The following STK33 variants were observed in gnomAD, a reference collection of about 807,000 sequenced individuals.
STK33 encodes serine/threonine kinase 33.
In STK33, 52 loss-of-function variants were observed where a neutral mutation model predicts 58.0. That is an observed-to-expected ratio of 0.90 (90% CI 0.72 to 1.13). STK33 has a LOEUF of 1.13. Ranked by LOEUF, STK33 falls within the 50% of genes most tolerant of loss-of-function variation. The pLI is 0.00. For synonymous variants in STK33, 215 were observed against 200.1 expected, an observed-to-expected ratio of 1.07 and a Z score of -0.63; for missense variants, 630 against 604.2, an observed-to-expected ratio of 1.04 and a Z score of -0.45.
intron 15 of STK33, among the ~76,000 whole-genome samples, chr11:8,395,961 C>T (rs533057781): frequency 6.6e-6 from 1 of 152,268 alleles, no homozygotes; most frequent in South Asian, 2.1e-4. Flanking sequence ...GGTTTTAATA[C>T]ATGTTAAAAC....
chr11:8,403,531 G>C (rs954470991), intron 15 of STK33, among the ~76,000 whole-genome samples: 1 of 152,152 alleles, frequency 6.6e-6, no homozygotes, highest in African/African-American at 2.4e-5. Flanking sequence ...GCTGCATTCA[G>C]GACGGTTACA....
At chr11:8,486,159 T>C (rs953389062) in intron 1 of STK33, among the ~76,000 whole-genome samples, 2 of 152,286 alleles carry the variant, frequency 1.3e-5, no homozygotes, top group African/African-American at 4.8e-5. Flanking sequence ...CTAGCCAGAA[T>C]ACTCTTTCTA....
intron 15 of STK33, among the ~76,000 whole-genome samples, chr11:8,398,802 G>GA (rs1849844056): frequency 6.9e-6 from 1 of 144,906 alleles, no homozygotes; most frequent in Admixed American, 6.9e-5. Flanking sequence ...AAAAAAAAAA[G>GA]CAGGGGTTGC....
intron 1 of STK33, among the ~76,000 whole-genome samples, chr11:8,503,651 C>G (rs1317868565): frequency 5.9e-5 from 9 of 152,178 alleles, no homozygotes; most frequent in Non-Finnish European, 1.2e-4. Context: ...ACTATTAATC[C>G]TAAATGCTTT....
chr11:8,496,356 T>C (rs1951056095), intron 1 of STK33, among the ~76,000 whole-genome samples: 1 of 152,354 alleles, frequency 6.6e-6, no homozygotes, highest in East Asian at 1.9e-4. Flanking sequence ...TTGTAAATTA[T>C]TTGAAAACAA....
At position 8,575,046 on chromosome 11, in the gene STK33, A is replaced by C. The variant is rs1457861153; in HGVS notation, c.-466+19037T>G. Among the ~76,000 whole-genome samples, 4 of 152,198 alleles carry C rather than the reference A, an allele frequency of 2.6e-5. 1 individual carries two copies. The highest frequency in any genetic ancestry group is 1.3e-4 in the Admixed American group (2 of 15,282). On this transcript the variant is annotated intron_variant, in intron 1 of 15. Transcript: ENST00000687296. ...GCAAGGGAGCAAGACCCTGTCTCAAAAAAAGGGGGAAGGGAAAGGATAATG... is the reference window on the plus strand; with the variant it reads ...GCAAGGGAGCAAGACCCTGTCTCAACAAAAGGGGGAAGGGAAAGGATAATG...
chr11:8,352,735 T>C, the STK33 span, among the ~76,000 whole-genome samples: 2 of 152,168 alleles, frequency 1.3e-5, no homozygotes, highest in Non-Finnish European at 2.9e-5. Context: ...GTGGCTGCAA[T>C]TAATATAAAA....
At chr11:8,507,062 T>C (rs145576347) in intron 1 of STK33, among the ~76,000 whole-genome samples, 36 of 152,276 alleles carry the variant, frequency 2.4e-4, no homozygotes, top group African/African-American at 8.7e-4. Flanking sequence ...CCACACAGCA[T>C]CAAAATATTA....
chr11:8,381,630 T>C, the STK33 span, among the ~76,000 whole-genome samples: 1 of 152,108 alleles, frequency 6.6e-6, no homozygotes, highest in South Asian at 2.1e-4. Context: ...TGGCTTCTGG[T>C]CTAGTGAGCA....
chr11:8,409,611 G>A (rs1188881909), intron 15 of STK33, among the ~76,000 whole-genome samples: 1 of 152,090 alleles, frequency 6.6e-6, no homozygotes, highest in Non-Finnish European at 1.5e-5. Flanking sequence ...CAAACTCAGA[G>A]GGCAAACAAG....
intron 1 of STK33, among the ~76,000 whole-genome samples, chr11:8,526,050 A>G (rs1953991129): frequency 6.6e-6 from 1 of 152,160 alleles, no homozygotes; most frequent in African/African-American, 2.4e-5. Context: ...GGCTAGCAAA[A>G]GCAAATGTTG....
chr11:8,377,832 A>G, the STK33 span, among the ~76,000 whole-genome samples: 3 of 152,252 alleles, frequency 2.0e-5, no homozygotes, highest in African/African-American at 7.2e-5. Context: ...TGAGAATCAA[A>G]TCAAGAACTT....
intron 1 of STK33, among the ~76,000 whole-genome samples, chr11:8,487,623 G>A (rs796265093): frequency 8.5e-5 from 13 of 152,148 alleles, no homozygotes; most frequent in African/African-American, 2.2e-4. Context: ...GAATGGAAAC[G>A]GTGTCCATAA....
At chr11:8,570,709 G>A (rs147070208) in intron 1 of STK33, among the ~76,000 whole-genome samples, 144 of 152,312 alleles carry the variant, frequency 9.5e-4, no homozygotes, top group African/African-American at 3.3e-3. Context: ...GAGGAGGGCC[G>A]AGAGAGGCAG....
At chr11:8,448,430 T>C (rs1014779667) in intron 11 of STK33, among the ~76,000 whole-genome samples, 2 of 152,008 alleles carry the variant, frequency 1.3e-5, no homozygotes, top group Non-Finnish European at 2.9e-5. Context: ...GGTCCCAAAA[T>C]AGAGATATAG....
At chr11:8,393,898 A>C (rs1445868097) in intron 15 of STK33, among the ~76,000 whole-genome samples, 3 of 152,192 alleles carry the variant, frequency 2.0e-5, no homozygotes, top group Admixed American at 6.5e-5. Context: ...TATTTCAAGA[A>C]AGAAAATCCA....
At chr11:8,437,749 G>T (rs886259879) in intron 12 of STK33, among the ~76,000 whole-genome samples, 2 of 152,004 alleles carry the variant, frequency 1.3e-5, no homozygotes, top group South Asian at 4.2e-4. Flanking sequence ...GACTTTTGTG[G>T]GGGGAAAAGT....
At chr11:8,423,694 G>A (rs1212089489) in intron 14 of STK33, among the ~76,000 whole-genome samples, 2 of 151,976 alleles carry the variant, frequency 1.3e-5, no homozygotes, top group Non-Finnish European at 2.9e-5. Context: ...TCTCTAATTA[G>A]AGAACTGTGT....
At chr11:8,414,064 C>T (rs538846824) in intron 14 of STK33, among the ~76,000 whole-genome samples, 11 of 152,240 alleles carry the variant, frequency 7.2e-5, no homozygotes, top group African/African-American at 2.2e-4. Flanking sequence ...GTTGCCCAAA[C>T]GCCAGTGCGT....
Sources: allele counts gnomAD v4.1 joint callset (sites outside exome capture counted in the v4.1 genomes callset), GRCh38; gene constraint gnomAD v4.1.1; transcripts MANE v1.5; gene names NCBI Gene and HGNC (gene_info 2026-07-23, HGNC 2026-07-21).